Variants in NKAIN3 observed in about 807,000 individuals in gnomAD.
The protein encoded by NKAIN3 is sodium/potassium transporting ATPase interacting 3, also known as sodium/potassium-transporting ATPase subunit beta-1-interacting protein 3.
A neutral mutation model predicts 30.2 loss-of-function variants in NKAIN3; 25 were observed. That is an observed-to-expected ratio of 0.83 (90% confidence interval 0.60 to 1.16). The LOEUF (loss-of-function observed/expected upper bound fraction) is 1.16, where lower values mean the gene tolerates loss of function less well. Ranked by LOEUF, NKAIN3 falls within the 50% of genes most tolerant of loss-of-function variation. The pLI is 0.00. For missense variants in NKAIN3, 225 were observed against 254.1 expected (o/e 0.89, Z 0.78); for synonymous variants, 91 against 89.6 (o/e 1.02, Z -0.09).
chr8:62,497,430 C>G (rs1807277390), intron 1 of NKAIN3, among the ~76,000 whole-genome samples: 1 of 91,278 alleles, frequency 1.1e-5, no homozygotes, highest in Non-Finnish European at 2.3e-5. Context: ...TAAGTATAAC[C>G]TATTTTTTTT....
chr8:62,439,156 G>T (rs1212040900), intron 1 of NKAIN3, among the ~76,000 whole-genome samples: 1 of 152,186 alleles, frequency 6.6e-6, no homozygotes, highest in Non-Finnish European at 1.5e-5. Flanking sequence ...GATCTGATGT[G>T]AAAAGTAAAT....
chr8:62,518,019 T>C (rs1808046369), intron 1 of NKAIN3, among the ~76,000 whole-genome samples: 1 of 152,082 alleles, frequency 6.6e-6, no homozygotes, highest in Non-Finnish European at 1.5e-5. Context: ...CCAAGGAAGT[T>C]AATTGTGAGG....
intron 3 of NKAIN3, among the ~76,000 whole-genome samples, chr8:62,617,059 C>T (rs1395299641): frequency 7.1e-6 from 1 of 140,772 alleles, no homozygotes; most frequent in Non-Finnish European, 1.5e-5. Context: ...GTTCTTGCTC[C>T]TGGCATGTGA....
At chr8:62,945,224 A>G (rs1393321624) in intron 5 of NKAIN3, among the ~76,000 whole-genome samples, 3 of 152,204 alleles carry the variant, frequency 2.0e-5, no homozygotes, top group Non-Finnish European at 4.4e-5. Flanking sequence ...AAAAAAGTAA[A>G]GCAGGGAAGG....
chr8:62,486,276 G>A (rs1034175275), intron 1 of NKAIN3, among the ~76,000 whole-genome samples: 3 of 152,066 alleles, frequency 2.0e-5, no homozygotes, highest in African/African-American at 4.8e-5. Flanking sequence ...AAGGCAGGCC[G>A]GTATCAGAGT....
chr8:62,650,461 T>A (rs146710528), intron 3 of NKAIN3, among the ~76,000 whole-genome samples: 2,953 of 152,278 alleles, frequency 0.019, 41 homozygotes, highest in Non-Finnish European at 0.031. Flanking sequence ...CCTAGAGAAT[T>A]TAATTTATGT....
At chr8:62,411,640 T>C (rs762637516) in intron 1 of NKAIN3, among the ~76,000 whole-genome samples, 14 of 152,158 alleles carry the variant, frequency 9.2e-5, no homozygotes, top group Non-Finnish European at 1.6e-4. Flanking sequence ...TGATATGATT[T>C]TATATCTGGA....
chr8:62,451,425 G>A (rs1172901944), intron 1 of NKAIN3, among the ~76,000 whole-genome samples: 4 of 151,502 alleles, frequency 2.6e-5, no homozygotes, highest in South Asian at 2.1e-4. Context: ...GTCAAATGTC[G>A]TTGTCAGATA....
At chr8:62,514,094 G>T (rs1424744972) in intron 1 of NKAIN3, among the ~76,000 whole-genome samples, 1 of 152,000 alleles carries the variant, frequency 6.6e-6, no homozygotes, top group Non-Finnish European at 1.5e-5. Context: ...AGACTAACAG[G>T]AATCCTTGGA....
chr8:62,537,643 T>C (rs1000340835), intron 1 of NKAIN3, among the ~76,000 whole-genome samples: 2 of 152,036 alleles, frequency 1.3e-5, no homozygotes, highest in African/African-American at 4.8e-5. Flanking sequence ...TAGTAATGCT[T>C]TAATGCCCCC....
chr8:62,350,878 T>C (rs766091651), intron 1 of NKAIN3, among the ~76,000 whole-genome samples: 3 of 151,386 alleles, frequency 2.0e-5, no homozygotes, highest in African/African-American at 4.9e-5. Context: ...TTAATAGATA[T>C]AGGGTTTCAC....
intron 3 of NKAIN3, among the ~76,000 whole-genome samples, chr8:62,615,857 G>A (rs1465180564): frequency 6.6e-6 from 1 of 152,096 alleles, no homozygotes; most frequent in Non-Finnish European, 1.5e-5. Context: ...GGGAAAGGGT[G>A]GCATCTGTGA....
intron 1 of NKAIN3, among the ~76,000 whole-genome samples, chr8:62,511,549 T>C (rs1464828578): frequency 2.6e-5 from 4 of 152,156 alleles, no homozygotes; most frequent in African/African-American, 7.2e-5. Flanking sequence ...CCAAAATCTT[T>C]CCAAGGGTTC....
chr8:62,363,841 GAA>G (rs1390493777), intron 1 of NKAIN3, among the ~76,000 whole-genome samples: 1 of 128,134 alleles, frequency 7.8e-6, no homozygotes, highest in Non-Finnish European at 1.6e-5. Flanking sequence ...CTATTTGAAA[GAA>G]AAAGATAGTT....
chr8:62,952,281 T>C (rs572314852), intron 5 of NKAIN3, among the ~76,000 whole-genome samples: 97 of 152,274 alleles, frequency 6.4e-4, no homozygotes, highest in Non-Finnish European at 1.2e-3. Context: ...ATATTCTTAC[T>C]AAGTTAAAAA....
At chr8:62,262,277 T>C (rs1003724510) in intron 1 of NKAIN3, among the ~76,000 whole-genome samples, 1 of 152,146 alleles carries the variant, frequency 6.6e-6, no homozygotes, top group African/African-American at 2.4e-5. Context: ...TCAGGAGGAA[T>C]CCCAATTTAT....
chr8:62,637,686 G>A (rs931997701), intron 3 of NKAIN3, among the ~76,000 whole-genome samples: 2 of 152,146 alleles, frequency 1.3e-5, no homozygotes, highest in South Asian at 4.1e-4. Flanking sequence ...AAATTGCACA[G>A]CGATGGTTCA....
intron 1 of NKAIN3, among the ~76,000 whole-genome samples, chr8:62,341,389 A>G (rs1189998094): frequency 6.6e-6 from 1 of 152,072 alleles, no homozygotes; most frequent in Non-Finnish European, 1.5e-5. Context: ...TCTAGATGAA[A>G]TTCATTCTAG....
At chr8:62,345,595 A>ATATACACATATATGTATATACACACAT (rs1236442717) in intron 1 of NKAIN3, among the ~76,000 whole-genome samples, 23 of 147,966 alleles carry the variant, frequency 1.6e-4, no homozygotes, top group African/African-American at 5.2e-4. Flanking sequence ...ATACACACAT[A>ATATACACATATATGTATATACACACAT]TATACACATA....
Sources: allele counts gnomAD v4.1 joint callset (sites outside exome capture counted in the v4.1 genomes callset), GRCh38; gene constraint gnomAD v4.1.1; transcripts MANE v1.5; gene names NCBI Gene and HGNC (gene_info 2026-07-23, HGNC 2026-07-21).